Variants in VAV2 observed in about 807,000 individuals in gnomAD.
VAV2 encodes the protein vav guanine nucleotide exchange factor 2.
VAV2 carries 67 observed loss-of-function variants against 132.5 expected under a neutral mutation model. That is an observed-to-expected ratio of 0.51 (90% CI 0.42 to 0.62). VAV2 has a LOEUF of 0.62. VAV2 is among the 20% of genes least tolerant of loss of function. The probability of loss-of-function intolerance (pLI) is 0.00; values close to 1 mark genes in which losing one functional copy is unlikely to be tolerated. For synonymous variants in VAV2, 492 were observed against 443.5 expected, an observed-to-expected ratio of 1.11 and a Z score of -1.37; for missense variants, 938 against 1,153.6, an observed-to-expected ratio of 0.81 and a Z score of 2.71.
intron 27 of VAV2, 38 bp downstream of exon 27, chr9:133,770,340 C>G: frequency 6.2e-7 from 1 of 1,612,204 alleles, no homozygotes; most frequent in Non-Finnish European, 8.5e-7. Context: ...CAGACCCCTC[C>G]GAGGAGTGCT....
At chr9:133,927,907 G>C (rs803439) in intron 2 of VAV2, 53,790 of 151,960 alleles carry the variant, frequency 0.35, 11,343 homozygotes, top group Middle Eastern at 0.48. Flanking sequence ...GAGCAGGGTT[G>C]AGGCAAAGAC....
At chr9:133,807,222 G>C in intron 8 of VAV2, 36 bp downstream of exon 8, 1 of 1,598,292 alleles carries the variant, frequency 6.3e-7, no homozygotes. Flanking sequence ...TTAGGGCCCC[G>C]AGCCTGGCAT....
chr9:133,898,138 C>T (rs1297078964), intron 2 of VAV2, among the ~76,000 whole-genome samples: 2 of 152,062 alleles, frequency 1.3e-5, no homozygotes, highest in African/African-American at 2.4e-5. Context: ...GGAGGGACCT[C>T]GGAGATGGGC....
intron 4 of VAV2, among the ~76,000 whole-genome samples, chr9:133,813,136 C>T (rs1385730917): frequency 1.3e-5 from 2 of 152,236 alleles, no homozygotes; most frequent in Non-Finnish European, 2.9e-5. Context: ...CTCACTGCAC[C>T]TGGGGGTGGA....
At position 133,763,970 on chromosome 9, in the gene VAV2, TC is replaced by T. The variant is rs1468958757; in HGVS notation, c.*91del. 2.7e-5 allele frequency: 39 copies of T among 1,470,628 alleles called. No individual in the cohort carries two copies. The highest frequency in any genetic ancestry group is 1.9e-4 in the Middle Eastern group (1 of 5,326). The allele number at this position is 1,470,628 out of a possible 1,614,324, so 91.1% of individuals were successfully genotyped here. On this transcript the variant is annotated 3_prime_UTR_variant, in exon 30 of 30. Coordinates refer to ENST00000371850, the MANE Select transcript of VAV2 (RefSeq NM_001134398.2). This position sits in a 1 kb window ranked among gnomAD's most constrained non-coding sequence, Gnocchi z 6.8. Reference sequence around the variant, plus strand: ...AGTGGAAGACTGGGAGGTTGGTATTTCCCCTCTGAGTCACAGAGGAGCTAGA... The same window carrying T: ...AGTGGAAGACTGGGAGGTTGGTATTTCCCTCTGAGTCACAGAGGAGCTAGA...
At chr9:133,913,896 C>T (rs1839967336) in intron 2 of VAV2, among the ~76,000 whole-genome samples, 1 of 152,206 alleles carries the variant, frequency 6.6e-6, no homozygotes, top group Non-Finnish European at 1.5e-5. Flanking sequence ...AGACAGAGGC[C>T]CAGCAATGCC....
intron 3 of VAV2, among the ~76,000 whole-genome samples, chr9:133,836,504 C>T (rs539535520): frequency 2.3e-4 from 35 of 152,276 alleles, no homozygotes; most frequent in Non-Finnish European, 5.1e-4. Context: ...GAAAATGTGT[C>T]CTCATCAAAA....
intron 2 of VAV2, among the ~76,000 whole-genome samples, chr9:133,913,770 T>A (rs1839963419): frequency 6.6e-6 from 1 of 152,208 alleles, no homozygotes; most frequent in South Asian, 2.1e-4. Flanking sequence ...CCCAGGTCAG[T>A]GAGCCTCGGG....
intron 2 of VAV2, among the ~76,000 whole-genome samples, chr9:133,937,092 T>C (rs145332866): frequency 4.6e-5 from 7 of 152,392 alleles, no homozygotes; most frequent in African/African-American, 1.7e-4. Context: ...CGCTGCATTT[T>C]AACTGTTGGC....
At chr9:133,842,614 G>A (rs1356551424) in intron 3 of VAV2, among the ~76,000 whole-genome samples, 1 of 152,194 alleles carries the variant, frequency 6.6e-6, no homozygotes. Context: ...TGACACTATC[G>A]GGGGGTGGTG....
chr9:133,887,463 C>T (rs189147148), intron 2 of VAV2, among the ~76,000 whole-genome samples: 1 of 152,084 alleles, frequency 6.6e-6, no homozygotes. Context: ...GCAATGGCAG[C>T]CCCAGGGCCA....
chr9:133,887,925 T>C (rs1838778769), intron 2 of VAV2, among the ~76,000 whole-genome samples: 1 of 152,074 alleles, frequency 6.6e-6, no homozygotes, highest in Non-Finnish European at 1.5e-5. Flanking sequence ...CTCTTCCACG[T>C]AGAGCAACGC....
chr9:133,934,282 A>G (rs1170482672), intron 2 of VAV2, among the ~76,000 whole-genome samples: 2 of 152,206 alleles, frequency 1.3e-5, no homozygotes, highest in Non-Finnish European at 2.9e-5. Flanking sequence ...CAAGATCTGA[A>G]ACACCACAGA....
intron 1 of VAV2, among the ~76,000 whole-genome samples, chr9:133,947,832 G>A (rs112034657): frequency 0.038 from 5,696 of 151,596 alleles, 364 homozygotes; most frequent in African/African-American, 0.13. Flanking sequence ...CTGCATCAAC[G>A]AGGCTGGAGT....
intron 2 of VAV2, among the ~76,000 whole-genome samples, chr9:133,865,860 C>T (rs1021390891): frequency 2.6e-5 from 4 of 152,244 alleles, no homozygotes; most frequent in Admixed American, 6.5e-5. Flanking sequence ...AGCCCCCAGG[C>T]TCTGAGAGAC....
intron 25 of VAV2, 69 bp from the exon 26 acceptor site, chr9:133,772,115 G>T: frequency 7.2e-7 from 1 of 1,381,378 alleles, no homozygotes; most frequent in Non-Finnish European, 1.0e-6. Flanking sequence ...TTGGCAGCCA[G>T]GCTCATTCTG....
At chr9:133,866,345 CTG>C (rs368223365) in intron 2 of VAV2, among the ~76,000 whole-genome samples, 10 of 152,348 alleles carry the variant, frequency 6.6e-5, no homozygotes, top group Non-Finnish European at 1.0e-4. Context: ...CACTGGACCA[CTG>C]TGTTTTGTAG....
At chr9:133,878,616 T>C (rs1020954366) in intron 2 of VAV2, among the ~76,000 whole-genome samples, 1 of 152,214 alleles carries the variant, frequency 6.6e-6, no homozygotes, top group African/African-American at 2.4e-5. Context: ...TGTGCATGTC[T>C]GTCACAGGAC....
intron 29 of VAV2, among the ~76,000 whole-genome samples, chr9:133,765,988 GAA>G (rs1833419179): frequency 6.6e-6 from 1 of 152,136 alleles, no homozygotes; most frequent in Non-Finnish European, 1.5e-5. Context: ...TATTTAAAAA[GAA>G]AGTGAAATAA....
Sources: gnomAD v4.1 joint callset for allele counts (sites outside exome capture counted in the v4.1 genomes callset) on GRCh38, gnomAD v4.1.1 for gene constraint, Gnocchi (gnomAD v3.1) non-coding constraint, MANE v1.5 for transcripts, NCBI Gene and HGNC (gene_info 2026-07-23, HGNC 2026-07-21) for gene names.